DNER: variants seen among roughly 807,000 people sequenced by gnomAD.
DNER encodes the protein delta and Notch-like epidermal growth factor-related receptor.
A neutral mutation model predicts 78.2 loss-of-function variants in DNER; 33 were observed. That is an observed-to-expected ratio of 0.42 (90% CI 0.32 to 0.56). The LOEUF (loss-of-function observed/expected upper bound fraction) is 0.56, where lower values mean the gene tolerates loss of function less well. DNER is among the 20% of genes least tolerant of loss of function. The probability of loss-of-function intolerance (pLI) is 0.11; values close to 1 mark genes in which losing one functional copy is unlikely to be tolerated. For missense variants in DNER, 918 were observed against 975.3 expected (o/e 0.94, Z 0.78); for synonymous variants, 417 against 384.8 (o/e 1.08, Z -0.98).
intron 11 of DNER, among the ~76,000 whole-genome samples, chr2:229,385,900 G>A (rs1313472789): frequency 6.6e-6 from 1 of 152,092 alleles, no homozygotes; most frequent in Non-Finnish European, 1.5e-5. Context: ...ACTGCCCAAA[G>A]TAATTTACAC....
At chr2:229,481,132 T>A (rs1047776796) in intron 6 of DNER, among the ~76,000 whole-genome samples, 5 of 152,174 alleles carry the variant, frequency 3.3e-5, no homozygotes, top group Non-Finnish European at 5.9e-5. Flanking sequence ...CACCCCAGTC[T>A]CCCTGGAAAG....
chr2:229,540,067 CA>C (rs1011642023), intron 5 of DNER, among the ~76,000 whole-genome samples: 1 of 152,138 alleles, frequency 6.6e-6, no homozygotes, highest in African/African-American at 2.4e-5. Context: ...AAGCATAAAT[CA>C]AAAGTCATGT....
chr2:229,637,439 C>G (rs536405049), intron 1 of DNER, among the ~76,000 whole-genome samples: 191 of 152,280 alleles, frequency 1.3e-3, no homozygotes, highest in African/African-American at 4.3e-3. Flanking sequence ...TTGTTAAGAG[C>G]AAACATTATA....
At chr2:229,588,246 T>G in intron 3 of DNER, 148 bp downstream of exon 3, 1 of 676,124 alleles carries the variant, frequency 1.5e-6, no homozygotes, top group Non-Finnish European at 2.5e-6. Flanking sequence ...CCTCTAGTTT[T>G]CAAATGGCAG....
At chr2:229,568,159 T>A (rs139881360) in intron 4 of DNER, among the ~76,000 whole-genome samples, 34 of 152,316 alleles carry the variant, frequency 2.2e-4, no homozygotes, top group Non-Finnish European at 4.6e-4. Flanking sequence ...TTCCATTTCT[T>A]TTTTGGTTTT....
intron 1 of DNER, among the ~76,000 whole-genome samples, chr2:229,647,380 T>G (rs191391614): frequency 4.9e-4 from 75 of 152,320 alleles, no homozygotes; most frequent in Non-Finnish European, 9.1e-4. Flanking sequence ...AGAACTCAAC[T>G]TCCCCACTTG....
intron 1 of DNER, among the ~76,000 whole-genome samples, chr2:229,672,904 A>C (rs1477868280): frequency 6.6e-6 from 1 of 152,210 alleles, no homozygotes; most frequent in Non-Finnish European, 1.5e-5. Flanking sequence ...TTTGGAAAGG[A>C]GCATCTCACA....
At chr2:229,703,131 A>G (rs955191345) in intron 1 of DNER, among the ~76,000 whole-genome samples, 1 of 152,008 alleles carries the variant, frequency 6.6e-6, no homozygotes, top group African/African-American at 2.4e-5. Flanking sequence ...TATTTACAGG[A>G]CTCAACCTGA....
intron 1 of DNER, among the ~76,000 whole-genome samples, chr2:229,593,591 TA>T (rs898901207): frequency 2.6e-5 from 4 of 152,104 alleles, no homozygotes; most frequent in African/African-American, 4.8e-5. Flanking sequence ...GATGGGACTT[TA>T]AAAAAAATTG....
chr2:229,677,637 T>A (rs1460868216), intron 1 of DNER, among the ~76,000 whole-genome samples: 1 of 152,246 alleles, frequency 6.6e-6, no homozygotes, highest in East Asian at 1.9e-4. Flanking sequence ...GAATTTTTTT[T>A]AATCTACATT....
chr2:229,708,350 G>T (rs895537769), intron 1 of DNER, among the ~76,000 whole-genome samples: 4 of 152,188 alleles, frequency 2.6e-5, no homozygotes, highest in African/African-American at 9.7e-5. Flanking sequence ...ATCAGAATCT[G>T]GGGGACAGGG....
intron 9 of DNER, among the ~76,000 whole-genome samples, chr2:229,415,381 C>G (rs527868248): frequency 6.6e-6 from 1 of 152,250 alleles, no homozygotes; most frequent in South Asian, 2.1e-4. Context: ...CCCTTGTGAG[C>G]CCCTGAGCTG....
intron 7 of DNER, among the ~76,000 whole-genome samples, chr2:229,450,682 G>A (rs772103780): frequency 1.3e-5 from 2 of 152,164 alleles, no homozygotes; most frequent in African/African-American, 4.8e-5. Context: ...CACCAGAGAT[G>A]CCTGTGCACA....
intron 8 of DNER, among the ~76,000 whole-genome samples, chr2:229,430,311 T>C (rs1450746844): frequency 6.6e-6 from 1 of 152,206 alleles, no homozygotes; most frequent in Non-Finnish European, 1.5e-5. Flanking sequence ...GATTAACTGA[T>C]GGTTAATACT....
intron 6 of DNER, among the ~76,000 whole-genome samples, chr2:229,481,004 G>A (rs1695146105): frequency 6.6e-6 from 1 of 152,192 alleles, no homozygotes; most frequent in African/African-American, 2.4e-5. Flanking sequence ...CAGGGAGGCA[G>A]GGGTGAGATC....
At position 229,673,131 on chromosome 2, in the gene DNER, T is replaced by A. The variant is rs538389465; in HGVS notation, c.276+41017A>T. Among the ~76,000 whole-genome samples the A allele has an allele frequency of 5.3e-5, 8 of 152,360 alleles. No individual in the cohort carries two copies. In the South Asian group the frequency reaches 1.4e-3, roughly 28 times the overall value. ...TGCTTTGTGCTACCTTAAGTCTGGC[T>A]TTCTGCTGGATGGTAACGTGATGTG... On this transcript the variant is annotated intron_variant, in intron 1 of 12. Coordinates refer to ENST00000341772, the MANE Select transcript of DNER (RefSeq NM_139072.4).
chr2:229,581,649 T>C (rs775732510), intron 4 of DNER, among the ~76,000 whole-genome samples: 2 of 152,198 alleles, frequency 1.3e-5, no homozygotes, highest in Non-Finnish European at 2.9e-5. Context: ...GCAGTGGTCA[T>C]GAAGGAAAAC....
chr2:229,686,244 G>C lies in DNER; in HGVS notation c.276+27904C>G, dbSNP rs58324846. ...GCCATGTCTATGGGATGGTGCCACTGACTGTTCATCTGGCACAGCTACAGC... is the reference window on the plus strand; with the variant it reads ...GCCATGTCTATGGGATGGTGCCACTCACTGTTCATCTGGCACAGCTACAGC... On this transcript the variant is annotated intron_variant, in intron 1 of 12. Transcript: ENST00000341772. Among the ~76,000 whole-genome samples, 632 of 152,210 alleles carry C rather than the reference G, an allele frequency of 4.2e-3. 5 individuals are homozygous for C. The highest frequency in any genetic ancestry group is 0.015 in the African/African-American group (614 of 41,530).
At chr2:229,575,720 A>T (rs1041798235) in intron 4 of DNER, among the ~76,000 whole-genome samples, 9 of 152,204 alleles carry the variant, frequency 5.9e-5, no homozygotes, top group Non-Finnish European at 1.3e-4. Flanking sequence ...CGTATCCAGA[A>T]TGGAATGCTC....
Sources: gnomAD v4.1 joint callset for allele counts (sites outside exome capture counted in the v4.1 genomes callset) on GRCh38, gnomAD v4.1.1 for gene constraint, MANE v1.5 for transcripts, NCBI Gene and HGNC (gene_info 2026-07-23, HGNC 2026-07-21) for gene names.